The following CALY variants were observed in gnomAD, a reference collection of about 807,000 sequenced individuals.
CALY encodes calcyon neuron specific vesicular protein, also known as neuron-specific vesicular protein calcyon.
In CALY, 15 loss-of-function variants were observed where a neutral mutation model predicts 20.2. The observed-to-expected ratio is 0.74, with a 90% CI of 0.50 to 1.14. The LOEUF is 1.14. Among genes scored for constraint, CALY ranks in the 50% most tolerant of loss-of-function variants. CALY has a pLI of 0.00. For missense variants in CALY, 270 were observed against 304.4 expected, an observed-to-expected ratio of 0.89 and a Z score of 0.84; for synonymous variants, 129 against 131.8, an observed-to-expected ratio of 0.98 and a Z score of 0.15.
chr10:133,329,583 G>A (rs1442157641), intron 1 of CALY, among the ~76,000 whole-genome samples: 2 of 151,740 alleles, frequency 1.3e-5, no homozygotes, highest in Non-Finnish European at 2.9e-5. Flanking sequence ...ACGGGGTTTC[G>A]TCAGGTTGCC....
intron 4 of CALY, chr10:133,326,457 G>C (rs1428343631): frequency 3.5e-6 from 2 of 567,700 alleles, no homozygotes. Flanking sequence ...TAAATAAAAG[G>C]CTTTCTAAAA....
At chr10:133,326,367 G>T (rs1848210510) in intron 4 of CALY, 5 of 1,125,674 alleles carry the variant, frequency 4.4e-6, no homozygotes, top group Non-Finnish European at 6.6e-6. Context: ...GACCTGCCCA[G>T]CGCAGCAAGG....
At chr10:133,327,609 G>T in intron 3 of CALY, 1 of 597,124 alleles carries the variant, frequency 1.7e-6, no homozygotes, top group South Asian at 2.0e-5. Context: ...CTGAAGATGA[G>T]ACAATGACCC....
At chr10:133,329,180 C>T (rs958942242) in intron 1 of CALY, among the ~76,000 whole-genome samples, 171 bp from the exon 2 acceptor site, 3 of 152,240 alleles carry the variant, frequency 2.0e-5, no homozygotes, top group South Asian at 4.1e-4. Context: ...TCAAATCCAG[C>T]GAGATGCTGG....
intron 3 of CALY, chr10:133,327,400 T>A (rs2136168351): frequency 2.0e-6 from 1 of 489,870 alleles, no homozygotes; most frequent in South Asian, 3.4e-5. Context: ...TAACATGAGC[T>A]GCAGACTGGA....
chr10:133,326,807 C>T, intron 4 of CALY, 71 bp downstream of exon 4: 1 of 984,524 alleles, frequency 1.0e-6, no homozygotes, highest in Admixed American at 2.0e-5. Context: ...GACACCCCTG[C>T]CACCCCCTGC....
Position 133,325,075 on chromosome 10 carries a change from G to T in CALY, c.*520C>A, listed in dbSNP as rs143910073. The T allele has an allele frequency of 6.5e-3, 1,017 of 155,882 alleles. 10 individuals are homozygous for T. The highest frequency in any genetic ancestry group is 0.036 in the Middle Eastern group (11 of 304). The allele number at this position is 155,882 out of a possible 1,614,324, so 9.7% of individuals were successfully genotyped here. A position where few individuals can be genotyped will look rare whatever the true frequency, so the allele number is the denominator to read the frequency against. Reference sequence around the variant, plus strand: ...TCCTGTCAGAGGGGGAACGCCCGGGGCCCAGGCCCAGCACCAGGTAGATGG... The same window carrying T: ...TCCTGTCAGAGGGGGAACGCCCGGGTCCCAGGCCCAGCACCAGGTAGATGG... On this transcript the variant is annotated 3_prime_UTR_variant, in exon 6 of 6. Coordinates refer to ENST00000252939, the MANE Select transcript of CALY (RefSeq NM_015722.4).
chr10:133,332,671 G>T (rs927739580), intron 1 of CALY, among the ~76,000 whole-genome samples: 4 of 152,130 alleles, frequency 2.6e-5, no homozygotes, highest in African/African-American at 9.7e-5. Flanking sequence ...CTGAGTGAGG[G>T]GTGCCTTTGA....
Position 133,330,920 on chromosome 10 carries a change from C to G in CALY, c.-20-1911G>C, listed in dbSNP as rs187264135. On this transcript the variant is annotated intron_variant, in intron 1 of 5. Coordinates refer to ENST00000252939, the MANE Select transcript of CALY (RefSeq NM_015722.4). ...TACACACCACTGCGAGGCCCCAAAG[C>G]TCAAGCAGCGTGAATCCAGCGAATA... Among the ~76,000 whole-genome samples the G allele has an allele frequency of 2.9e-3, 447 of 152,302 alleles. 4 individuals carry two copies. The highest frequency in any genetic ancestry group is 0.01 in the African/African-American group (427 of 41,564).
chr10:133,324,463 G>A lies in CALY; in HGVS notation c.*1132C>T, dbSNP rs748918087. On this transcript the variant is annotated 3_prime_UTR_variant, in exon 6 of 6. Coordinates refer to ENST00000252939, the MANE Select transcript of CALY (RefSeq NM_015722.4). ...GGGCTTCCATCCACCAATGGTCGGG[G>A]GCTGGGGTGGGCGGGGCTGCAGAGC... The A allele has an allele frequency of 6.6e-6, 3 of 451,226 alleles. No homozygotes were observed. The highest frequency in any genetic ancestry group is 4.7e-5 in the South Asian group (3 of 64,160). The allele number at this position is 451,226 out of a possible 1,614,324, so 28.0% of individuals were successfully genotyped here.
intron 1 of CALY, among the ~76,000 whole-genome samples, chr10:133,330,088 G>A (rs1848278177): frequency 1.3e-5 from 2 of 152,250 alleles, no homozygotes; most frequent in Admixed American, 6.5e-5. Context: ...ACCTTCTAGA[G>A]AAAAGGAATG....
intron 1 of CALY, among the ~76,000 whole-genome samples, chr10:133,329,936 C>A (rs1218854793): frequency 6.6e-6 from 1 of 152,216 alleles, no homozygotes; most frequent in African/African-American, 2.4e-5. Flanking sequence ...CGAGTCAGCC[C>A]AGCTGCGAGC....
chr10:133,336,491 C>T (rs1318355038), intron 1 of CALY, among the ~76,000 whole-genome samples: 1 of 152,172 alleles, frequency 6.6e-6, no homozygotes, highest in East Asian at 1.9e-4. Flanking sequence ...ACCCCCTCCC[C>T]ACCTCGGAGA....
intron 3 of CALY, 191 bp downstream of exon 3, chr10:133,327,714 C>T (rs774183245): frequency 3.2e-4 from 218 of 684,626 alleles, no homozygotes; most frequent in Non-Finnish European, 5.3e-4. Flanking sequence ...CCTGCAGCCT[C>T]GGGAGGGGGC....
intron 3 of CALY, chr10:133,327,423 G>A: frequency 2.0e-6 from 1 of 509,136 alleles, no homozygotes; most frequent in Non-Finnish European, 3.4e-6. Flanking sequence ...GTGAGGCCAG[G>A]GGCGGGGAGC....
At chr10:133,326,173 C>T (rs1848205914) in intron 4 of CALY, 53 bp from the exon 5 acceptor site, 4 of 1,570,478 alleles carry the variant, frequency 2.5e-6, no homozygotes, top group African/African-American at 1.4e-5. Flanking sequence ...CTGTGCGCCC[C>T]GGGCCCAGGC....
intron 1 of CALY, among the ~76,000 whole-genome samples, chr10:133,336,453 A>G (rs958088372): frequency 1.4e-5 from 2 of 147,096 alleles, no homozygotes; most frequent in Non-Finnish European, 3.0e-5. Context: ...CCTCCGGCGG[A>G]CAGAGCTGGG....
At chr10:133,326,331 C>G (rs563488541) in intron 4 of CALY, 1 of 1,471,996 alleles carries the variant, frequency 6.8e-7, no homozygotes, top group Non-Finnish European at 9.3e-7. Context: ...AGGGGCCACC[C>G]AGGGAGAGGG....
intron 3 of CALY, chr10:133,327,356 C>G: frequency 8.1e-6 from 4 of 491,766 alleles, no homozygotes; most frequent in Non-Finnish European, 1.4e-5. Context: ...CACCAGGCCT[C>G]CCAGGTGACT....
Sources: allele counts gnomAD v4.1 joint callset (sites outside exome capture counted in the v4.1 genomes callset), GRCh38; gene constraint gnomAD v4.1.1; transcripts MANE v1.5; gene names NCBI Gene and HGNC (gene_info 2026-07-23, HGNC 2026-07-21).